Variants in LRFN2 observed in about 807,000 individuals in gnomAD.
The protein encoded by LRFN2 is leucine-rich repeat and fibronectin type-III domain-containing protein 2.
LRFN2 carries 18 observed loss-of-function variants against 37.3 expected under a neutral mutation model. The observed-to-expected ratio is 0.48, with a 90% CI of 0.33 to 0.72. LRFN2 has a LOEUF of 0.72. LRFN2 is among the 30% of genes least tolerant of loss of function. The pLI, the probability that LRFN2 is intolerant of heterozygous loss-of-function variation, is 0.02. For synonymous variants in LRFN2, 556 were observed against 466.6 expected (o/e 1.19, Z -2.47); for missense variants, 1,006 against 1,060.7 (o/e 0.95, Z 0.72).
intron 1 of LRFN2, among the ~76,000 whole-genome samples, chr6:40,463,832 G>A (rs748860147): frequency 1.1e-4 from 16 of 151,710 alleles, no homozygotes; most frequent in Non-Finnish European, 1.8e-4. Flanking sequence ...ATGCACCACC[G>A]TGCCCAGCTA....
chr6:40,477,013 C>T (rs1328271009), intron 1 of LRFN2, among the ~76,000 whole-genome samples: 3 of 152,220 alleles, frequency 2.0e-5, no homozygotes, highest in South Asian at 4.1e-4. Context: ...AACTCACCTT[C>T]GACTCTTGAT....
intron 1 of LRFN2, among the ~76,000 whole-genome samples, chr6:40,535,881 G>T (rs780702133): frequency 1.3e-5 from 2 of 152,034 alleles, no homozygotes; most frequent in Admixed American, 1.3e-4. Context: ...AAAATAATTC[G>T]ATTAGGGAAA....
intron 1 of LRFN2, among the ~76,000 whole-genome samples, chr6:40,584,728 C>T (rs1215540142): frequency 6.6e-6 from 1 of 152,028 alleles, no homozygotes; most frequent in African/African-American, 2.4e-5. Flanking sequence ...CTCTATACAT[C>T]CACCCTGCAA....
At position 40,587,253 on chromosome 6, in the gene LRFN2, T is replaced by C. The variant is rs1767520671; in HGVS notation, c.-331A>G. The C allele has an allele frequency of 1.3e-5, 2 of 152,168 alleles. No homozygotes were observed. Among genetic ancestry groups the C allele is most frequent in the Admixed American group, 6.5e-5 (1 of 15,278 alleles). 9.4% of individuals were successfully genotyped at this position (152,168 alleles called of 1,614,324 possible). A position where few individuals can be genotyped will look rare whatever the true frequency, so the allele number is the denominator to read the frequency against. On this transcript the variant is annotated 5_prime_UTR_variant, in exon 1 of 3. Coordinates refer to ENST00000338305, the MANE Select transcript of LRFN2 (RefSeq NM_020737.3). This position sits in a 1 kb window ranked among gnomAD's most constrained non-coding sequence, Gnocchi z 4.2. ...CTCCCTAGGAGGATGCCGGTAGGAT[T>C]TTCCGGATCGAAGAACCCCAGGCAT...
chr6:40,479,259 C>T (rs1473768705), intron 1 of LRFN2, among the ~76,000 whole-genome samples: 2 of 152,222 alleles, frequency 1.3e-5, no homozygotes, highest in African/African-American at 4.8e-5. Context: ...CTCTCCCAAC[C>T]TCTTGCCAAA....
At chr6:40,446,213 C>A (rs1763965420) in intron 1 of LRFN2, among the ~76,000 whole-genome samples, 1 of 152,240 alleles carries the variant, frequency 6.6e-6, no homozygotes, top group Non-Finnish European at 1.5e-5. Flanking sequence ...CTGGCCACTC[C>A]TGAATCCAAG....
At chr6:40,503,090 G>C (rs1272000534) in intron 1 of LRFN2, among the ~76,000 whole-genome samples, 5 of 152,182 alleles carry the variant, frequency 3.3e-5, no homozygotes, top group African/African-American at 1.2e-4. Context: ...CAGAGGGTGG[G>C]TGACAAAGAT....
chr6:40,468,115 C>T (rs1764514358), intron 1 of LRFN2, among the ~76,000 whole-genome samples: 1 of 152,116 alleles, frequency 6.6e-6, no homozygotes, highest in Admixed American at 6.5e-5. Flanking sequence ...TTATTGGGCA[C>T]CTGCTCTGGG....
intron 1 of LRFN2, among the ~76,000 whole-genome samples, chr6:40,469,161 G>A (rs920643834): frequency 6.6e-5 from 10 of 152,264 alleles, no homozygotes; most frequent in African/African-American, 1.9e-4. Context: ...TGTGATGACC[G>A]AGGCAGGGGT....
chr6:40,538,022 G>T (rs1199108411), intron 1 of LRFN2, among the ~76,000 whole-genome samples: 1 of 152,112 alleles, frequency 6.6e-6, no homozygotes, highest in Non-Finnish European at 1.5e-5. Context: ...GAAGACTAAG[G>T]AGGGACAACA....
At chr6:40,557,031 C>T (rs1766904022) in intron 1 of LRFN2, among the ~76,000 whole-genome samples, 1 of 152,178 alleles carries the variant, frequency 6.6e-6, no homozygotes, top group Non-Finnish European at 1.5e-5. Context: ...CTCGGGTCTC[C>T]CTTTCCCCAA....
Position 40,443,520 on chromosome 6 carries a change from T to G in LRFN2, c.-18-10389A>C, listed in dbSNP as rs141011395. On this transcript the variant is annotated intron_variant, in intron 1 of 2. Coordinates refer to ENST00000338305, the MANE Select transcript of LRFN2 (RefSeq NM_020737.3). ...TGCCATCTTATCCCCATGCACATACTACAAATGCTTCCCCCAAGACCAGGT... is the reference window on the plus strand; with the variant it reads ...TGCCATCTTATCCCCATGCACATACGACAAATGCTTCCCCCAAGACCAGGT... Among the ~76,000 whole-genome samples, 9 of 152,258 alleles carry G rather than the reference T, an allele frequency of 5.9e-5. No homozygotes were observed. The East Asian group carries it at 1.7e-3, about 29-fold the overall frequency.
chr6:40,424,040 T>C (rs56191116), intron 2 of LRFN2, among the ~76,000 whole-genome samples: 20,434 of 152,202 alleles, frequency 0.13, 1,511 homozygotes, highest in African/African-American at 0.19. Context: ...TCCTAATCAC[T>C]ACCCTGGACT....
intron 1 of LRFN2, among the ~76,000 whole-genome samples, chr6:40,562,862 C>T (rs1035481674): frequency 3.3e-5 from 5 of 152,022 alleles, no homozygotes; most frequent in Admixed American, 1.3e-4. Context: ...CACACACACA[C>T]ACACACACTC....
chr6:40,404,879 G>A (rs949397397), intron 2 of LRFN2, among the ~76,000 whole-genome samples: 2 of 152,128 alleles, frequency 1.3e-5, no homozygotes, highest in African/African-American at 2.4e-5. Flanking sequence ...TGGTTCCTAA[G>A]ACCTCTGGGT....
chr6:40,476,231 C>G (rs1460048010), intron 1 of LRFN2, among the ~76,000 whole-genome samples: 2 of 152,342 alleles, frequency 1.3e-5, no homozygotes, highest in East Asian at 3.9e-4. Flanking sequence ...TTCCCCCTCC[C>G]CACATTTATT....
At chr6:40,472,738 C>T (rs1421640946) in intron 1 of LRFN2, among the ~76,000 whole-genome samples, 1 of 152,206 alleles carries the variant, frequency 6.6e-6, no homozygotes, top group African/African-American at 2.4e-5. Flanking sequence ...GATACCCTTT[C>T]TCCCCAGGCC....
chr6:40,480,344 CA>C, intron 1 of LRFN2, among the ~76,000 whole-genome samples: 1 of 152,230 alleles, frequency 6.6e-6, no homozygotes, highest in South Asian at 2.1e-4. Flanking sequence ...GTGGCACAAT[CA>C]TGGCTCACTG....
intron 2 of LRFN2, among the ~76,000 whole-genome samples, chr6:40,428,851 T>C (rs1763414033): frequency 6.6e-6 from 1 of 152,218 alleles, no homozygotes; most frequent in African/African-American, 2.4e-5. Context: ...TTTTGGAAAT[T>C]TGTCTTCTTA....
Sources: gnomAD v4.1 joint callset for allele counts (sites outside exome capture counted in the v4.1 genomes callset) on GRCh38, gnomAD v4.1.1 for gene constraint, Gnocchi (gnomAD v3.1) non-coding constraint, MANE v1.5 for transcripts, NCBI Gene and HGNC (gene_info 2026-07-23, HGNC 2026-07-21) for gene names.